Variants in NRG3 observed in about 807,000 individuals in gnomAD.
NRG3 encodes the protein neuregulin 3, also known as pro-neuregulin-3, membrane-bound isoform.
NRG3 carries 31 observed loss-of-function variants against 66.9 expected under a neutral mutation model. The observed-to-expected ratio is 0.46, with a 90% confidence interval of 0.35 to 0.63. NRG3 has a LOEUF of 0.63. Among genes scored for constraint, NRG3 ranks in the 20% least tolerant of loss-of-function variants. NRG3 has a pLI of 0.00. For missense variants in NRG3, 910 were observed against 878.9 expected, an observed-to-expected ratio of 1.04 and a Z score of -0.45; for synonymous variants, 393 against 359.4, an observed-to-expected ratio of 1.09 and a Z score of -1.06.
At chr10:82,528,407 A>G (rs1485929313) in intron 2 of NRG3, among the ~76,000 whole-genome samples, 1 of 152,316 alleles carries the variant, frequency 6.6e-6, no homozygotes, top group East Asian at 1.9e-4. Flanking sequence ...ACATTAAGGT[A>G]GGGATCTCCC....
chr10:82,334,317 T>C (rs545402055), intron 1 of NRG3, among the ~76,000 whole-genome samples: 1 of 152,186 alleles, frequency 6.6e-6, no homozygotes, highest in South Asian at 2.1e-4. Flanking sequence ...AAGGAGTACA[T>C]GCTGTGTATC....
intron 1 of NRG3, among the ~76,000 whole-genome samples, chr10:82,032,664 T>C (rs1172751759): frequency 6.6e-6 from 1 of 152,096 alleles, no homozygotes; most frequent in Non-Finnish European, 1.5e-5. Flanking sequence ...ATCATTATAG[T>C]TCTCATTTTA....
At chr10:82,886,402 G>A (rs958842526) in intron 4 of NRG3, among the ~76,000 whole-genome samples, 1 of 152,140 alleles carries the variant, frequency 6.6e-6, no homozygotes, top group South Asian at 2.1e-4. Flanking sequence ...GAAGAGGAAT[G>A]TATTTTTGGC....
At chr10:82,712,050 G>T (rs2056701948) in intron 2 of NRG3, among the ~76,000 whole-genome samples, 1 of 152,068 alleles carries the variant, frequency 6.6e-6, no homozygotes, top group African/African-American at 2.4e-5. Flanking sequence ...GCTCCTTCAT[G>T]AAATTTTATA....
At chr10:82,034,806 G>T (rs2062724389) in intron 1 of NRG3, among the ~76,000 whole-genome samples, 1 of 151,980 alleles carries the variant, frequency 6.6e-6, no homozygotes, top group African/African-American at 2.4e-5. Context: ...TAGACTGTGG[G>T]CTCAGTGAGA....
intron 1 of NRG3, among the ~76,000 whole-genome samples, chr10:82,105,180 G>A (rs7918820): frequency 0.83 from 125,605 of 152,118 alleles, 51,975 homozygotes; most frequent in East Asian, 0.9. Flanking sequence ...CTATGGCTAT[G>A]GAATACAGAT....
At position 82,265,471 on chromosome 10, in the gene NRG3, A is replaced by G. The variant is rs1458292999; in HGVS notation, c.824-93268A>G. On this transcript the variant is annotated intron_variant, in intron 1 of 8. Transcript: ENST00000372141. ...GGAGATCCCAAGAGGTCAAGAAACAACTAAAGTGACAGTGAATATACTAGG... is the reference window on the plus strand; with the variant it reads ...GGAGATCCCAAGAGGTCAAGAAACAGCTAAAGTGACAGTGAATATACTAGG... Among the ~76,000 whole-genome samples, 12 of 152,372 alleles carry G rather than the reference A, an allele frequency of 7.9e-5. No homozygotes were observed. In the East Asian group the frequency reaches 1.4e-3, roughly 17 times the overall value.
chr10:82,423,821 C>T (rs2089239120), intron 2 of NRG3, among the ~76,000 whole-genome samples: 1 of 151,956 alleles, frequency 6.6e-6, no homozygotes, highest in African/African-American at 2.4e-5. Flanking sequence ...CGCCCATTTT[C>T]CATAACCTGA....
intron 1 of NRG3, among the ~76,000 whole-genome samples, chr10:82,104,380 A>G (rs2066937192): frequency 6.6e-6 from 1 of 151,914 alleles, no homozygotes; most frequent in African/African-American, 2.4e-5. Flanking sequence ...AAAAGGAGAA[A>G]ATATCTACAC....
chr10:82,598,449 C>G (rs1401391228), intron 2 of NRG3, among the ~76,000 whole-genome samples: 1 of 152,170 alleles, frequency 6.6e-6, no homozygotes, highest in Non-Finnish European at 1.5e-5. Flanking sequence ...ATTGAACATT[C>G]CTTATCTATC....
chr10:82,985,118 A>C lies in NRG3; in HGVS notation c.1604A>C (p.Lys535Thr), dbSNP rs1853325894. The C allele has an allele frequency of 6.2e-7, 1 of 1,613,718 alleles. No individual in the cohort carries two copies. Among genetic ancestry groups the C allele is most frequent in the Non-Finnish European group, 8.5e-7 (1 of 1,179,864 alleles). The change falls in exon 9 of 9, where the codon AAA (lysine) becomes ACA (threonine). Residue 535 changes from lysine (K) to threonine (T), a missense_variant. Coordinates refer to ENST00000372141, the MANE Select transcript of NRG3 (RefSeq NM_001010848.4). ...PCQGYSSSGL[K>T]TQRNTSINMQ... ...TTCAGGTATTCATCCAGTGGTTTAA[A>C]AACCCAACGAAATACATCAATAAAT...
intron 3 of NRG3, among the ~76,000 whole-genome samples, chr10:82,783,584 T>A (rs1258231827): frequency 3.3e-5 from 5 of 152,030 alleles, no homozygotes; most frequent in Non-Finnish European, 5.9e-5. Context: ...GAGAGCCAAA[T>A]CATGAGTGAA....
chr10:82,056,259 A>G (rs2063842860), intron 1 of NRG3, among the ~76,000 whole-genome samples: 1 of 152,158 alleles, frequency 6.6e-6, no homozygotes, highest in African/African-American at 2.4e-5. Flanking sequence ...TGGAGATTCT[A>G]AGCTTGGTCA....
At chr10:82,157,282 A>G (rs1397083597) in intron 1 of NRG3, among the ~76,000 whole-genome samples, 1 of 151,922 alleles carries the variant, frequency 6.6e-6, no homozygotes, top group Non-Finnish European at 1.5e-5. Context: ...TAAAGAAAGT[A>G]TATTGCTTTT....
intron 3 of NRG3, among the ~76,000 whole-genome samples, chr10:82,855,102 C>A (rs111969732): frequency 1.8e-4 from 27 of 152,154 alleles, no homozygotes; most frequent in African/African-American, 6.0e-4. Context: ...TTGTCTTTGG[C>A]GTTTCTTTAG....
chr10:82,091,656 A>G (rs1335587185), intron 1 of NRG3, among the ~76,000 whole-genome samples: 2 of 152,098 alleles, frequency 1.3e-5, no homozygotes, highest in African/African-American at 2.4e-5. Flanking sequence ...TCTGATTTCA[A>G]TTTTGTGTGT....
chr10:82,232,112 G>A (rs1051127232), intron 1 of NRG3: 21 of 152,104 alleles, frequency 1.4e-4, no homozygotes, highest in African/African-American at 4.3e-4. Context: ...TTGGCTGGGA[G>A]GATATAGAAA....
intron 1 of NRG3, among the ~76,000 whole-genome samples, chr10:82,103,306 T>C (rs766516268): frequency 1.3e-4 from 20 of 152,170 alleles, no homozygotes; most frequent in Non-Finnish European, 2.6e-4. Flanking sequence ...CTATTCTTTG[T>C]ATAGAATTGG....
At chr10:82,758,543 C>A (rs970944526) in intron 3 of NRG3, among the ~76,000 whole-genome samples, 1 of 151,992 alleles carries the variant, frequency 6.6e-6, no homozygotes, top group Admixed American at 6.6e-5. Context: ...GACTCAATTT[C>A]CCCTGTTTAT....
Sources: allele counts gnomAD v4.1 joint callset (sites outside exome capture counted in the v4.1 genomes callset), GRCh38; gene constraint gnomAD v4.1.1; transcripts MANE v1.5; gene names NCBI Gene and HGNC (gene_info 2026-07-23, HGNC 2026-07-21).